The following SLC7A4 variants were observed in gnomAD, a reference collection of about 807,000 sequenced individuals.
The protein encoded by SLC7A4 is solute carrier family 7 member 4, also known as cationic amino acid transporter 4.
A neutral mutation model predicts 37.8 loss-of-function variants in SLC7A4; 30 were observed. That is an observed-to-expected ratio of 0.79 (90% CI 0.59 to 1.08). SLC7A4 has a LOEUF of 1.08. Among genes scored for constraint, SLC7A4 ranks in the 50% least tolerant of loss-of-function variants. The pLI, the probability that SLC7A4 is intolerant of heterozygous loss-of-function variation, is 0.00. For synonymous variants in SLC7A4, 359 were observed against 376.5 expected, an observed-to-expected ratio of 0.95 and a Z score of 0.54; for missense variants, 839 against 843.2, an observed-to-expected ratio of 1.00 and a Z score of 0.06.
At position 21,029,694 on chromosome 22, in the gene SLC7A4, T is replaced by C. The variant is rs747825617; in HGVS notation, c.1623+17A>G. 39 of 1,598,024 alleles carry C rather than the reference T, an allele frequency of 2.4e-5. No homozygotes were observed. Among genetic ancestry groups the C allele is most frequent in the Non-Finnish European group, 3.2e-5 (37 of 1,171,886 alleles). ...TGCCTGGGCCGAGTGTGAGTGGGTGTTGGCTAGGGGAGGTACCTGAAATAA... is the reference window on the plus strand; with the variant it reads ...TGCCTGGGCCGAGTGTGAGTGGGTGCTGGCTAGGGGAGGTACCTGAAATAA... On this transcript the variant is annotated intron_variant, in intron 3 of 4. Coordinates refer to ENST00000382932, the MANE Select transcript of SLC7A4 (RefSeq NM_004173.3).
In SLC7A4 at chr22:21,029,252, G is replaced by A. The variant is rs192927716; in HGVS notation, c.1733-22C>T. On this transcript the variant is annotated intron_variant, in intron 4 of 4. Coordinates refer to ENST00000382932, the MANE Select transcript of SLC7A4 (RefSeq NM_004173.3). ...AGTCCTAGACAGGGCAGGAGGCAGG[G>A]CATGAGCCTGAGGTACAGGTTCCAG... 228 of 1,613,178 alleles carry A rather than the reference G, an allele frequency of 1.4e-4. No individual in the cohort carries two copies. In the East Asian group the frequency reaches 3.1e-3, roughly 22 times the overall value.
In SLC7A4 at chr22:21,031,322, A is replaced by T; in HGVS notation, c.491T>A (p.Leu164His). The change falls in exon 2 of 5, where the codon CTC becomes CAC. Residue 164 changes from leucine (L) to histidine (H), a missense_variant. Leu to His is a moderately conservative substitution (Grantham distance 99). Coordinates refer to ENST00000382932, the MANE Select transcript of SLC7A4 (RefSeq NM_004173.3). ...CAGGAAGTCCGGGTAGTGGCCCAGG[A>T]GGGGCACCTGCCAAGAACCCACGTG... Reference protein sequence around the residue: ...ETHVGSWQVPLLGHYPDFLAA... With the variant: ...ETHVGSWQVPHLGHYPDFLAA... 6.2e-7 allele frequency: 1 copy of T among 1,609,878 alleles called. No individual in the cohort carries two copies. Among genetic ancestry groups the T allele is most frequent in the Non-Finnish European group, 8.5e-7 (1 of 1,178,182 alleles).
At position 21,031,542 on chromosome 22, in the gene SLC7A4, C is replaced by G. The variant is rs9613553; in HGVS notation, c.271G>C (p.Glu91Gln). 2 of 1,610,702 alleles carry G rather than the reference C, an allele frequency of 1.2e-6. No individual in the cohort carries two copies. The highest frequency in any genetic ancestry group is 1.7e-6 in the Non-Finnish European group (2 of 1,179,216). ...ASLLAALCYA[E>Q]FGARVPRTGS... ...GTGCGTGGCACACGTGCCCCAAATT[C>G]TGCATAGCATAGGGCTGCCAGCAGG... Residue 91 changes from glutamate to glutamine, a missense_variant, in exon 2 of 5, where the codon GAA becomes CAA. Physicochemically the swap from Glu to Gln is conservative, Grantham distance 29. Transcript: ENST00000382932.
At position 21,029,744 on chromosome 22, in the gene SLC7A4, A is replaced by G. The variant is rs1474974059; in HGVS notation, c.1590T>C (p.Ala530=). 1 of 1,612,934 alleles carries G rather than the reference A, an allele frequency of 6.2e-7. No individual in the cohort carries two copies. The highest frequency in any genetic ancestry group is 1.1e-5 in the South Asian group (1 of 91,066). ...AGTCTTCCCGATACTGTTGCTGGTG[A>G]GCCCCCAGGACAAGGAGGCTGAGCA... ...MFLLSLLVLG[A]HQQQYREDLF... Residue 530 remains alanine, a synonymous_variant, in exon 3 of 5, where the codon GCT becomes GCC. Coordinates refer to ENST00000382932, the MANE Select transcript of SLC7A4 (RefSeq NM_004173.3).
At chr22:21,029,611 T>A in intron 3 of SLC7A4, 100 bp downstream of exon 3, 1 of 1,335,328 alleles carries the variant, frequency 7.5e-7, no homozygotes, top group Non-Finnish European at 1.0e-6. Context: ...TGTGTGGTCC[T>A]CCCCAGCCCC....
In SLC7A4 at chr22:21,031,433, A is replaced by T. The variant is rs1184542375; in HGVS notation, c.380T>A (p.Ile127Asn). The change falls in exon 2 of 5, where the codon ATC becomes AAC. Residue 127 changes from isoleucine to asparagine, a missense_variant. Transcript: ENST00000382932. ...ACGGGCCACGGCGGCGCCACCGATG[A>T]TGTATTCGAGGAGAACATTCCAGCC... is the stretch of plus-strand genomic sequence containing the variant. ...LIGWNVLLEY[I>N]IGGAAVARAW... 6.2e-7 allele frequency: 1 copy of T among 1,601,484 alleles called. No individual in the cohort carries two copies.
rs375696450 is a variant in SLC7A4 at position 21,031,545 on chromosome 22, C to T, written c.268G>A (p.Ala90Thr). 1.7e-5 allele frequency: 27 copies of T among 1,610,342 alleles called. No individual in the cohort carries two copies. The East Asian group carries it at 5.3e-4, about 32-fold the overall frequency. ...VASLLAALCYAEFGARVPRTG... is the reference protein window; with the variant it reads ...VASLLAALCYTEFGARVPRTG... Reference sequence around the variant, plus strand: ...CGTGGCACACGTGCCCCAAATTCTGCATAGCATAGGGCTGCCAGCAGGGAG... The same window carrying T: ...CGTGGCACACGTGCCCCAAATTCTGTATAGCATAGGGCTGCCAGCAGGGAG... Residue 90 changes from alanine to threonine, a missense_variant, in exon 2 of 5, where the codon GCA becomes ACA. By Grantham distance (58) the Ala-to-Thr change is moderately conservative. Coordinates refer to ENST00000382932, the MANE Select transcript of SLC7A4 (RefSeq NM_004173.3).
Position 21,031,665 on chromosome 22 carries a change from T to C in SLC7A4, c.148A>G (p.Met50Val), listed in dbSNP as rs143734260. 3.4e-3 allele frequency: 5,563 copies of C among 1,613,300 alleles called. 10 individuals carry two copies. The highest frequency in any genetic ancestry group is 4.2e-3 in the Non-Finnish European group (4,948 of 1,179,642). Residue 50 changes from methionine (M) to valine (V), a missense_variant, in exon 2 of 5, where the codon ATG (methionine) becomes GTG (valine). Transcript: ENST00000382932. Reference sequence around the variant, plus strand: ...AGCACGTAGAGACCCGAGCCCACCATGCCACCCACGCCCAGAAGAGTCAGG... The same window carrying C: ...AGCACGTAGAGACCCGAGCCCACCACGCCACCCACGCCCAGAAGAGTCAGG... The part of the protein sequence containing the change: ...LDLTLLGVGG[M>V]VGSGLYVLTG...
At position 21,030,889 on chromosome 22, in the gene SLC7A4, G is replaced by A. The variant is rs1928859410; in HGVS notation, c.924C>T (p.Ala308=). ...CCCACCTGTAGCCCCGCTGGTAGAA[G>A]GCATCTGCAAGCGCTGAGTCGGGGT... ...SLDPDSALAD[A]FYQRGYRWAG... Residue 308 remains alanine, a synonymous_variant, in exon 2 of 5, where the codon GCC becomes GCT. Transcript: ENST00000382932. 6.2e-7 allele frequency: 1 copy of A among 1,613,056 alleles called. No individual in the cohort carries two copies. Among genetic ancestry groups the A allele is most frequent in the South Asian group, 1.1e-5 (1 of 90,932 alleles).
At position 21,031,578 on chromosome 22, in the gene SLC7A4, C is replaced by T. The variant is rs374571651; in HGVS notation, c.235G>A (p.Ala79Thr). Residue 79 changes from alanine to threonine, a missense_variant, in exon 2 of 5, where the codon GCT becomes ACT. Coordinates refer to ENST00000382932, the MANE Select transcript of SLC7A4 (RefSeq NM_004173.3). The part of the protein sequence containing the change: ...PAVLLSFGVA[A>T]VASLLAALCY... ...AGGGCTGCCAGCAGGGAGGCCACAG[C>T]GGCCACACCGAAGGACAAGAGCACA... The T allele has an allele frequency of 4.7e-5, 76 of 1,606,626 alleles. No homozygotes were observed. Among genetic ancestry groups the T allele is most frequent in the South Asian group, 1.8e-4 (16 of 90,352 alleles).
In SLC7A4 at chr22:21,029,918, G is replaced by A. The variant is rs1222710626; in HGVS notation, c.1416C>T (p.Tyr472=). ...CCCAAGTCACCACTGCTCCAGGGCT[G>A]TACCCATCCAAGAAGCCCAGGTAGG... is the stretch of plus-strand genomic sequence containing the variant. ...LRPYLGFLDG[Y]SPGAVVTWAL... The change falls in exon 3 of 5, where the codon TAC becomes TAT. Residue 472 remains tyrosine (Y), a synonymous_variant. Coordinates refer to ENST00000382932, the MANE Select transcript of SLC7A4 (RefSeq NM_004173.3). The A allele has an allele frequency of 1.2e-6, 2 of 1,613,666 alleles. No homozygotes were observed. Among genetic ancestry groups the A allele is most frequent in the South Asian group, 1.1e-5 (1 of 91,076 alleles).
rs1569186071 is a variant in SLC7A4 at position 21,030,246 on chromosome 22, CG to C, written c.1087del (p.Arg363GlyfsTer69). 4 of 1,613,692 alleles carry C rather than the reference CG, an allele frequency of 2.5e-6. No individual in the cohort carries two copies. The highest frequency in any genetic ancestry group is 3.4e-6 in the Non-Finnish European group (4 of 1,180,022). ...GGTGCCCGCCACAGGCACCTGTGTCCGGGGGTGCACATGGGCAAACACCTGG... is the reference window on the plus strand; with the variant it reads ...GGTGCCCGCCACAGGCACCTGTGTCCGGGGTGCACATGGGCAAACACCTGG... Reference protein sequence around the residue: ...FFQVFAHVHPRTQVPVAGTLA... With the variant: ...FFQVFAHVHPXTQVPVAGTLA... On this transcript the variant is annotated frameshift_variant, in exon 3 of 5. Transcript: ENST00000382932. LOFTEE classifies it high-confidence loss of function.
Position 21,031,778 on chromosome 22 carries a change from G to A in SLC7A4, c.35C>T (p.Ala12Val), listed in dbSNP as rs1342421230. The A allele has an allele frequency of 1.9e-6, 3 of 1,538,770 alleles. No homozygotes were observed. The highest frequency in any genetic ancestry group is 1.4e-5 in the African/African-American group (1 of 72,704). ...GCGGTTCAGCTTCTGGCATAAGCGT[G>A]CCAGGCTAGCAATGGTGGGCAGCCC... ...ARGLPTIASL[A>V]RLCQKLNRLK... The change falls in exon 2 of 5, where the codon GCA becomes GTA. Residue 12 changes from alanine to valine, a missense_variant. Physicochemically the swap from Ala to Val is moderately conservative, Grantham distance 64. Transcript: ENST00000382932.
intron 1 of SLC7A4, among the ~76,000 whole-genome samples, chr22:21,032,105 C>T (rs967429797): frequency 1.4e-5 from 2 of 140,674 alleles, no homozygotes; most frequent in South Asian, 2.2e-4. Context: ...CCTGCTCACC[C>T]GCTCGGTGGC....
Position 21,029,891 on chromosome 22 carries a change from C to T in SLC7A4, c.1443G>A (p.Ala481=), listed in dbSNP as rs137876940. 9.3e-6 allele frequency: 15 copies of T among 1,613,798 alleles called. No homozygotes were observed. In the Admixed American group the frequency reaches 1.0e-4, roughly 11 times the overall value. Residue 481 remains alanine (A), a synonymous_variant, in exon 3 of 5, where the codon GCG becomes GCA. Transcript: ENST00000382932. ...GYSPGAVVTW[A]LGVMLASAIT... Reference sequence around the variant, plus strand: ...TGGCTGAGGCCAACATAACGCCAAGCGCCCAAGTCACCACTGCTCCAGGGC... The same window carrying T: ...TGGCTGAGGCCAACATAACGCCAAGTGCCCAAGTCACCACTGCTCCAGGGC...
chr22:21,030,469 C>A, intron 2 of SLC7A4, 118 bp from the exon 3 acceptor site: 1 of 1,052,430 alleles, frequency 9.5e-7, no homozygotes. Flanking sequence ...TCTGGGCTCT[C>A]AGAGTAAGCA....
In SLC7A4 at chr22:21,030,010, G is replaced by A; in HGVS notation, c.1324C>T (p.Leu442=). 6.2e-7 allele frequency: 1 copy of A among 1,613,738 alleles called. No individual in the cohort carries two copies. Among genetic ancestry groups the A allele is most frequent in the African/African-American group, 1.3e-5 (1 of 75,034 alleles). Residue 442 remains leucine, a synonymous_variant, in exon 3 of 5, where the codon CTA becomes TTA. Coordinates refer to ENST00000382932, the MANE Select transcript of SLC7A4 (RefSeq NM_004173.3). ...TKQQSSFSDH[L]QLVGTVHASV... ...GCGTGTACAGTGCCCACCAGCTGTA[G>A]GTGGTCTGAGAAGGAGCTCTGCTGC...
Position 21,029,372 on chromosome 22 carries a change from G to C in SLC7A4, c.1696C>G (p.Leu566Val). The change falls in exon 4 of 5, where the codon CTG becomes GTG. Residue 566 changes from leucine to valine, a missense_variant. Transcript: ENST00000382932. Reference protein sequence around the residue: ...NICLMLKLSYLTWVRFSIWLL... With the variant: ...NICLMLKLSYVTWVRFSIWLL... ...CAGATGGAGAAGCGCACCCAGGTCA[G>C]ATAGCTAAGTTTCAGCATGAGGCAG... The C allele has an allele frequency of 6.2e-7, 1 of 1,613,862 alleles. No individual in the cohort carries two copies. Among genetic ancestry groups the C allele is most frequent in the Non-Finnish European group, 8.5e-7 (1 of 1,179,980 alleles).
In SLC7A4 at chr22:21,031,748, T is replaced by C. The variant is rs765087766; in HGVS notation, c.65A>G (p.Lys22Arg). The stretch of plus-strand genomic sequence containing the variant: ...CTCCATGGTGGAGTCCTCCAGCGGC[T>C]TCAGGCGGTTCAGCTTCTGGCATAA... The part of the protein sequence containing the change: ...ARLCQKLNRL[K>R]PLEDSTMETS... Residue 22 changes from lysine (K) to arginine (R), a missense_variant, in exon 2 of 5, where the codon AAG (lysine) becomes AGG (arginine). Lys to Arg is a conservative substitution (Grantham distance 26, BLOSUM62 2). Transcript: ENST00000382932. 2 of 1,582,920 alleles carry C rather than the reference T, an allele frequency of 1.3e-6. No individual in the cohort carries two copies. The highest frequency in any genetic ancestry group is 1.7e-6 in the Non-Finnish European group (2 of 1,165,358).
Sources: gnomAD v4.1 joint callset for allele counts (sites outside exome capture counted in the v4.1 genomes callset) on GRCh38, gnomAD v4.1.1 for gene constraint, MANE v1.5 for transcripts, NCBI Gene and HGNC (gene_info 2026-07-23, HGNC 2026-07-21) for gene names.